PEF1: variants seen among roughly 807,000 people sequenced by gnomAD.
PEF1 encodes the protein peflin.
Under a neutral mutation model 32.0 loss-of-function variants are expected in PEF1, and 17 were observed. That is an observed-to-expected ratio of 0.53 (90% CI 0.36 to 0.80). The LOEUF (loss-of-function observed/expected upper bound fraction) is 0.80. Ranked by LOEUF, PEF1 falls within the 30% of genes least tolerant of loss-of-function variation. The probability of loss-of-function intolerance (pLI) is 0.00; values close to 1 mark genes in which losing one functional copy is unlikely to be tolerated. For synonymous variants in PEF1, 130 were observed against 139.8 expected (o/e 0.93, Z 0.50); for missense variants, 362 against 369.1 (o/e 0.98, Z 0.16).
chr1:31,630,750 G>C lies in PEF1; in HGVS notation c.718C>G (p.Leu240Val). Residue 240 changes from leucine to valine, a missense_variant, in exon 5 of 5, where the codon CTT becomes GTT. By Grantham distance (32) the Leu-to-Val change is conservative. Transcript: ENST00000373703. ...CPRSANPAMQLDRFIQVCTQL... is the reference protein window; with the variant it reads ...CPRSANPAMQVDRFIQVCTQL... ...GTGCACACCTGGATGAAGCGGTCAA[G>C]CTGCATGGCAGGATTGGCAGAGCGT... The C allele has an allele frequency of 6.2e-7, 1 of 1,614,148 alleles. No individual in the cohort carries two copies.
chr1:31,643,435 G>A (rs1640458626), intron 1 of PEF1, among the ~76,000 whole-genome samples: 1 of 152,174 alleles, frequency 6.6e-6, no homozygotes. Context: ...GGAAGCAACT[G>A]CTATGCTACA....
rs1640503139 is a variant in PEF1 at position 31,644,632 on chromosome 1, C to A, written c.24+209G>T. 4.2e-6 allele frequency: 6 copies of A among 1,441,726 alleles called. No homozygotes were observed. The East Asian group carries it at 1.0e-4, about 24-fold the overall frequency. The allele number at this position is 1,441,726 out of a possible 1,614,324, so 89.3% of individuals were successfully genotyped here. On this transcript the variant is annotated intron_variant, in intron 1 of 4. Transcript: ENST00000373703. ...CCTCGAGTGAGCGACGTCAAGGGGG[C>A]GCGACACGACCTCGCGAATGTGCGG...
chr1:31,635,023 T>A (rs567876622), intron 2 of PEF1, 199 bp downstream of exon 2: 16 of 767,674 alleles, frequency 2.1e-5, no homozygotes, highest in Non-Finnish European at 3.4e-5. Context: ...AAAGTAAGCA[T>A]GAGCAAGCAA....
At chr1:31,637,299 T>C (rs1640276589) in intron 1 of PEF1, among the ~76,000 whole-genome samples, 1 of 152,314 alleles carries the variant, frequency 6.6e-6, no homozygotes, top group African/African-American at 2.4e-5. Context: ...GCTAAGTTCA[T>C]GACTGTGGGC....
chr1:31,633,326 G>T lies in PEF1; in HGVS notation c.326-12C>A, dbSNP rs375773716. 14 of 1,604,058 alleles carry T rather than the reference G, an allele frequency of 8.7e-6. No homozygotes were observed. Among genetic ancestry groups the T allele is most frequent in the Admixed American group, 1.7e-5 (1 of 58,914 alleles). On this transcript the variant is annotated splice_polypyrimidine_tract_variant and intron_variant, in intron 2 of 4. Transcript: ENST00000373703. The stretch of plus-strand genomic sequence containing the variant: ...GGGAGGGGCGCCACCTGGAGGAAGG[G>T]GTGTGAAGGCCATCAACAGAAATGC...
chr1:31,641,523 T>C, intron 1 of PEF1, among the ~76,000 whole-genome samples: 1 of 152,186 alleles, frequency 6.6e-6, no homozygotes, highest in East Asian at 1.9e-4. Flanking sequence ...CTAGTCTTAT[T>C]TCCTACCCCT....
rs1477939457 is a variant in PEF1 at position 31,630,745 on chromosome 1, G to A, written c.723C>T (p.Asp241=). 2.5e-6 allele frequency: 4 copies of A among 1,614,066 alleles called. No homozygotes were observed. Among genetic ancestry groups the A allele is most frequent in the Non-Finnish European group, 3.4e-6 (4 of 1,180,052 alleles). The part of the protein sequence containing the change: ...PRSANPAMQL[D]RFIQVCTQLQ... ...GCTGGGTGCACACCTGGATGAAGCG[G>A]TCAAGCTGCATGGCAGGATTGGCAG... is the stretch of plus-strand genomic sequence containing the variant. The change falls in exon 5 of 5, where the codon GAC becomes GAT. Residue 241 remains aspartate, a synonymous_variant. Coordinates refer to ENST00000373703, the MANE Select transcript of PEF1 (RefSeq NM_012392.4).
chr1:31,637,227 AAGACTCCTTCAC>A (rs200410189), intron 1 of PEF1, among the ~76,000 whole-genome samples: 1,723 of 152,270 alleles, frequency 0.011, 22 homozygotes, highest in East Asian at 0.048. Context: ...AGCTACTAGC[AAGACTCCTTCAC>A]AGACAAGAAT....
At chr1:31,631,079 T>C (rs1308170057) in intron 4 of PEF1, among the ~76,000 whole-genome samples, 4 of 152,194 alleles carry the variant, frequency 2.6e-5, no homozygotes, top group Non-Finnish European at 5.9e-5. Context: ...ATCTCCATTA[T>C]TGTCTCTTCA....
chr1:31,632,458 T>C (rs1423990619), intron 4 of PEF1, 37 bp downstream of exon 4: 15 of 1,614,098 alleles, frequency 9.3e-6, no homozygotes, highest in Non-Finnish European at 1.3e-5. Context: ...AGAGTCTAGC[T>C]CTGTCCTGCC....
intron 1 of PEF1, 150 bp from the exon 2 acceptor site, chr1:31,635,672 A>C: frequency 1.2e-6 from 1 of 821,288 alleles, no homozygotes; most frequent in Non-Finnish European, 1.7e-6. Flanking sequence ...TCAGATGGGC[A>C]AACTGAGGCT....
At position 31,630,796 on chromosome 1, in the gene PEF1, A is replaced by C. The variant is rs555613785; in HGVS notation, c.672T>G (p.Leu224=). The C allele has an allele frequency of 6.2e-7, 1 of 1,613,222 alleles. No homozygotes were observed. Among genetic ancestry groups the C allele is most frequent in the African/African-American group, 1.3e-5 (1 of 75,054 alleles). ...AGCGTGGGCAGTAGCGGGAGACCAGAAGCTGGGTGAACTGGGGGCTCAGGT... is the reference window on the plus strand; with the variant it reads ...AGCGTGGGCAGTAGCGGGAGACCAGCAGCTGGGTGAACTGGGGGCTCAGGT... ...GYNLSPQFTQ[L]LVSRYCPRSA... is the part of the protein sequence containing the mutation. Residue 224 remains leucine (L), a synonymous_variant, in exon 5 of 5, where the codon CTT becomes CTG. Transcript: ENST00000373703.
chr1:31,644,398 CCA>C, intron 1 of PEF1: 1 of 1,022,008 alleles, frequency 9.8e-7, no homozygotes, highest in South Asian at 4.0e-5. Context: ...CCTGCTACAA[CCA>C]GAGTTTCCTG....
chr1:31,637,366 C>A (rs1206427504), intron 1 of PEF1, among the ~76,000 whole-genome samples: 2 of 152,188 alleles, frequency 1.3e-5, no homozygotes, highest in African/African-American at 2.4e-5. Flanking sequence ...TCCTTCCTCA[C>A]TGGACTGTTC....
At chr1:31,637,850 C>T (rs972073328) in intron 1 of PEF1, among the ~76,000 whole-genome samples, 3 of 152,046 alleles carry the variant, frequency 2.0e-5, no homozygotes, top group Non-Finnish European at 4.4e-5. Context: ...AAACCACTCA[C>T]ATAAGAAAAA....
intron 1 of PEF1, among the ~76,000 whole-genome samples, chr1:31,642,196 G>GCA (rs1640409041): frequency 1.3e-5 from 2 of 152,346 alleles, no homozygotes; most frequent in Admixed American, 6.5e-5. Context: ...TTGTGCCATT[G>GCA]CACTCCAGCC....
At chr1:31,638,151 T>C (rs1284121484) in intron 1 of PEF1, among the ~76,000 whole-genome samples, 5 of 152,162 alleles carry the variant, frequency 3.3e-5, no homozygotes, top group Non-Finnish European at 5.9e-5. Context: ...AGTGTTTCCA[T>C]GAGAGTGGCA....
intron 1 of PEF1, among the ~76,000 whole-genome samples, chr1:31,638,528 C>T (rs1389904905): frequency 2.0e-5 from 3 of 152,178 alleles, no homozygotes; most frequent in Non-Finnish European, 2.9e-5. Flanking sequence ...AGCTATAAAC[C>T]GCACCTGGCA....
intron 1 of PEF1, among the ~76,000 whole-genome samples, chr1:31,642,242 CAAAT>C (rs1417264702): frequency 1.3e-5 from 2 of 152,124 alleles, no homozygotes; most frequent in Admixed American, 1.3e-4. Flanking sequence ...TAAAAATAAA[CAAAT>C]AAATAAAAAA....
Sources: allele counts gnomAD v4.1 joint callset (sites outside exome capture counted in the v4.1 genomes callset), GRCh38; gene constraint gnomAD v4.1.1; transcripts MANE v1.5; gene names NCBI Gene and HGNC (gene_info 2026-07-23, HGNC 2026-07-21).